POU2AF1: variants seen among roughly 807,000 people sequenced by gnomAD.
The protein encoded by POU2AF1 is POU domain class 2-associating factor 1.
In POU2AF1, 12 loss-of-function variants were observed where a neutral mutation model predicts 26.3. That is an observed-to-expected ratio of 0.46 (90% CI 0.29 to 0.74). The LOEUF is 0.74. POU2AF1 is among the 30% of genes least tolerant of loss of function. The pLI is 0.09. For synonymous variants in POU2AF1, 175 were observed against 148.0 expected (o/e 1.18, Z -1.32); for missense variants, 297 against 334.5 (o/e 0.89, Z 0.87).
At chr11:111,363,118 A>T (rs962608093) in intron 1 of POU2AF1, 2 of 1,009,240 alleles carry the variant, frequency 2.0e-6, no homozygotes, top group Admixed American at 1.2e-4. Flanking sequence ...CTTGGAACTC[A>T]GTGTCAACAG....
chr11:111,372,423 A>C (rs2082918755), intron 1 of POU2AF1, among the ~76,000 whole-genome samples: 1 of 151,880 alleles, frequency 6.6e-6, no homozygotes, highest in Admixed American at 6.6e-5. Flanking sequence ...TTTTTTTGCC[A>C]TTGGTCCCTT....
intron 1 of POU2AF1, chr11:111,363,301 G>A: frequency 9.7e-7 from 1 of 1,025,950 alleles, no homozygotes; most frequent in Non-Finnish European, 1.2e-6. Flanking sequence ...GTAAGAAGGA[G>A]GGTGCTTCTC....
chr11:111,372,261 C>G (rs1307370170), intron 1 of POU2AF1, among the ~76,000 whole-genome samples: 1 of 152,138 alleles, frequency 6.6e-6, no homozygotes, highest in African/African-American at 2.4e-5. Flanking sequence ...CTAGATCCTT[C>G]TCTGAGCCTT....
chr11:111,374,938 G>A (rs1157073343), intron 1 of POU2AF1, among the ~76,000 whole-genome samples: 1 of 152,154 alleles, frequency 6.6e-6, no homozygotes, highest in Non-Finnish European at 1.5e-5. Flanking sequence ...GCTCTTTAGT[G>A]GAACCCTAGA....
Position 111,357,478 on chromosome 11 carries a change from G to T in POU2AF1, c.423C>A (p.Thr141=), listed in dbSNP as rs751438939. Reference sequence around the variant, plus strand: ...TGGTGATGAGTGGCGGAGAGGCATAGGTCAACACTGAGGAGGGCCCCACCA... The same window carrying T: ...TGGTGATGAGTGGCGGAGAGGCATATGTCAACACTGAGGAGGGCCCCACCA... The part of the protein sequence containing the change: ...YTVVGPSSVL[T]YASPPLITNV... The change falls in exon 4 of 5, where the codon ACC becomes ACA. Residue 141 remains threonine (T), a synonymous_variant. Coordinates refer to ENST00000393067, the MANE Select transcript of POU2AF1 (RefSeq NM_006235.3). 2 of 1,614,148 alleles carry T rather than the reference G, an allele frequency of 1.2e-6. No homozygotes were observed. The highest frequency in any genetic ancestry group is 1.6e-4 in the Middle Eastern group (1 of 6,062).
At chr11:111,371,464 G>A (rs1273336381) in intron 1 of POU2AF1, among the ~76,000 whole-genome samples, 1 of 151,924 alleles carries the variant, frequency 6.6e-6, no homozygotes, top group Non-Finnish European at 1.5e-5. Context: ...TACAAGTCTT[G>A]CCGCCACCCT....
At chr11:111,373,685 T>G (rs1861254991) in intron 1 of POU2AF1, among the ~76,000 whole-genome samples, 1 of 152,146 alleles carries the variant, frequency 6.6e-6, no homozygotes, top group Non-Finnish European at 1.5e-5. Context: ...AGTGGTTAGG[T>G]GGCTTGCTTA....
chr11:111,356,965 C>T (rs540010282), intron 4 of POU2AF1, among the ~76,000 whole-genome samples: 1 of 152,334 alleles, frequency 6.6e-6, no homozygotes, highest in Admixed American at 6.5e-5. Flanking sequence ...AAAATTACCC[C>T]ACACGTGGGT....
At chr11:111,374,988 T>C (rs905196563) in intron 1 of POU2AF1, among the ~76,000 whole-genome samples, 3 of 152,222 alleles carry the variant, frequency 2.0e-5, no homozygotes, top group African/African-American at 7.2e-5. Context: ...ATGAGAATTT[T>C]AAGTCCTTAA....
rs1374852880 is a variant in POU2AF1, at chr11:111,353,618, C to T, written c.*643G>A. 1 of 234,352 alleles carries T rather than the reference C, an allele frequency of 4.3e-6. No homozygotes were observed. The highest frequency in any genetic ancestry group is 6.0e-5 in the East Asian group (1 of 16,610). 14.5% of individuals were successfully genotyped at this position (234,352 alleles called of 1,614,324 possible). A position where few individuals can be genotyped will look rare whatever the true frequency, so the allele number is the denominator to read the frequency against. On this transcript the variant is annotated 3_prime_UTR_variant, in exon 5 of 5. Coordinates refer to ENST00000393067, the MANE Select transcript of POU2AF1 (RefSeq NM_006235.3). ...AAGGACTCTGGCATCAGGGTAGGCC[C>T]TTGGCTGACTTTCTCAGGAGGTGCT...
intron 2 of POU2AF1, among the ~76,000 whole-genome samples, chr11:111,358,520 TCA>T (rs1233643551): frequency 1.2e-5 from 1 of 83,692 alleles, no homozygotes; most frequent in Non-Finnish European, 2.9e-5. Context: ...TATCACACAC[TCA>T]CACACGCCAT....
At chr11:111,379,051 C>T in intron 1 of POU2AF1, 111 bp downstream of exon 1, 2 of 1,337,746 alleles carry the variant, frequency 1.5e-6, no homozygotes, top group Non-Finnish European at 2.1e-6. Context: ...GACCCCCTCC[C>T]CCCGTGGCCC....
At chr11:111,369,246 G>C (rs1036119594) in intron 1 of POU2AF1, among the ~76,000 whole-genome samples, 1 of 152,238 alleles carries the variant, frequency 6.6e-6, no homozygotes, top group Non-Finnish European at 1.5e-5. Flanking sequence ...AAGATACGAT[G>C]AGCTGAGCAG....
chr11:111,358,100 C>A (rs1338344019), intron 2 of POU2AF1, among the ~76,000 whole-genome samples: 1 of 152,136 alleles, frequency 6.6e-6, no homozygotes, highest in African/African-American at 2.4e-5. Context: ...CCAGGGTATG[C>A]AAGTCATTCG....
At chr11:111,372,963 GA>G (rs536867284) in intron 1 of POU2AF1, among the ~76,000 whole-genome samples, 9 of 152,238 alleles carry the variant, frequency 5.9e-5, no homozygotes, top group South Asian at 2.1e-4. Context: ...TGGCAACTAT[GA>G]AAAAAATCTT....
rs1453041102 is a variant in POU2AF1, at chr11:111,353,267, C to T, written c.*994G>A. Reference sequence around the variant, plus strand: ...AGCAAAACCATCTCTTCAAGCAATGCTTTCCTTTAGTTTATTGTTCTTCTT... The same window carrying T: ...AGCAAAACCATCTCTTCAAGCAATGTTTTCCTTTAGTTTATTGTTCTTCTT... On this transcript the variant is annotated 3_prime_UTR_variant, in exon 5 of 5. Transcript: ENST00000393067. 5 of 233,264 alleles carry T rather than the reference C, an allele frequency of 2.1e-5. No homozygotes were observed. Among genetic ancestry groups the T allele is most frequent in the African/African-American group, 4.4e-5 (2 of 45,342 alleles). 14.4% of individuals were successfully genotyped at this position (233,264 alleles called of 1,614,324 possible). A position where few individuals can be genotyped will look rare whatever the true frequency, so the allele number is the denominator to read the frequency against.
At chr11:111,368,892 C>T (rs769711525) in intron 1 of POU2AF1, among the ~76,000 whole-genome samples, 1 of 152,220 alleles carries the variant, frequency 6.6e-6, no homozygotes, top group East Asian at 1.9e-4. Context: ...CAACAAATAG[C>T]CCTTTCTCCT....
At chr11:111,365,808 G>C (rs1055366339) in intron 1 of POU2AF1, among the ~76,000 whole-genome samples, 2 of 150,176 alleles carry the variant, frequency 1.3e-5, no homozygotes, top group East Asian at 3.9e-4. Flanking sequence ...AGTGAGCCAA[G>C]ATCGCACCAT....
At chr11:111,376,462 A>G (rs1861311740) in intron 1 of POU2AF1, among the ~76,000 whole-genome samples, 2 of 152,176 alleles carry the variant, frequency 1.3e-5, no homozygotes, top group African/African-American at 4.8e-5. Context: ...CAATTGGCCC[A>G]TCAAGCAAAT....
Sources: allele counts gnomAD v4.1 joint callset (sites outside exome capture counted in the v4.1 genomes callset), GRCh38; gene constraint gnomAD v4.1.1; transcripts MANE v1.5; gene names NCBI Gene and HGNC (gene_info 2026-07-23, HGNC 2026-07-21).